The following EEIG1 variants were observed in gnomAD, a reference collection of about 807,000 sequenced individuals.
EEIG1 encodes estrogen-induced osteoclastogenesis regulator 1, also known as early estrogen-induced gene 1 protein.
chr9:127,947,762 C>G, the EEIG1 span, among the ~76,000 whole-genome samples: 1 of 152,168 alleles, frequency 6.6e-6, no homozygotes, highest in Non-Finnish European at 1.5e-5. Context: ...CAGCTTTTAT[C>G]CTGTTTGCAG....
At chr9:127,948,190 C>T in the EEIG1 span, 1 of 1,613,928 alleles carries the variant, frequency 6.2e-7, no homozygotes, top group Non-Finnish European at 8.5e-7. Flanking sequence ...GGAATCCTGG[C>T]CTGGGATGGA....
At chr9:127,979,947 G>A in the EEIG1 span, 1 of 1,584,244 alleles carries the variant, frequency 6.3e-7, no homozygotes, top group South Asian at 1.1e-5. Context: ...TCTAGGTCTC[G>A]CTCATCACCC....
the EEIG1 span, among the ~76,000 whole-genome samples, chr9:127,952,631 A>G: frequency 6.6e-6 from 1 of 152,280 alleles, no homozygotes; most frequent in African/African-American, 2.4e-5. Flanking sequence ...CACTGCTGCC[A>G]TTAGAAAGCA....
chr9:127,961,538 C>T, the EEIG1 span, among the ~76,000 whole-genome samples: 4 of 152,184 alleles, frequency 2.6e-5, no homozygotes, highest in Non-Finnish European at 5.9e-5. Flanking sequence ...GGAACACAAG[C>T]AATAAACAGA....
At chr9:127,963,921 G>C in the EEIG1 span, among the ~76,000 whole-genome samples, 1 of 152,220 alleles carries the variant, frequency 6.6e-6, no homozygotes, top group Non-Finnish European at 1.5e-5. Flanking sequence ...GCGGTGAACA[G>C]AGCAGGCTGG....
chr9:127,946,166 C>A, the EEIG1 span, among the ~76,000 whole-genome samples: 1 of 152,156 alleles, frequency 6.6e-6, no homozygotes, highest in African/African-American at 2.4e-5. Flanking sequence ...CCAGCTAAGG[C>A]CTCAAGAGGG....
At chr9:127,942,124 G>A in the EEIG1 span, 14 of 152,668 alleles carry the variant, frequency 9.2e-5, no homozygotes, top group African/African-American at 3.4e-4. Flanking sequence ...GCTTCCAGAG[G>A]AAGGCTGAGG....
At chr9:127,979,094 T>C in the EEIG1 span, among the ~76,000 whole-genome samples, 1,583 of 152,216 alleles carry the variant, frequency 0.01, 26 homozygotes, top group African/African-American at 0.035. Flanking sequence ...CAAGCAAGTC[T>C]TCCACGTAGG....
the EEIG1 span, among the ~76,000 whole-genome samples, chr9:127,968,910 A>T: frequency 1.3e-5 from 2 of 152,102 alleles, no homozygotes; most frequent in African/African-American, 4.8e-5. Flanking sequence ...TTCCCTGAAG[A>T]CTCACAGACC....
chr9:127,946,578 T>A, the EEIG1 span, among the ~76,000 whole-genome samples: 3 of 152,262 alleles, frequency 2.0e-5, no homozygotes, highest in Admixed American at 1.3e-4. Flanking sequence ...TCACCCTGCC[T>A]GGGGGAGGGG....
chr9:127,967,942 A>G, the EEIG1 span, among the ~76,000 whole-genome samples: 1 of 132,106 alleles, frequency 7.6e-6, no homozygotes, highest in Admixed American at 7.7e-5. Context: ...CTTCTTCTCC[A>G]CCCCAGGACC....
the EEIG1 span, among the ~76,000 whole-genome samples, chr9:127,946,929 C>T: frequency 6.6e-6 from 1 of 152,108 alleles, no homozygotes; most frequent in Non-Finnish European, 1.5e-5. Flanking sequence ...AGCCTGGAGG[C>T]AGTCCAAGGC....
At chr9:127,948,320 C>T in the EEIG1 span, 1 of 1,612,790 alleles carries the variant, frequency 6.2e-7, no homozygotes, top group Non-Finnish European at 8.5e-7. Flanking sequence ...ACCCCTAGTG[C>T]CCGGGACTGG....
the EEIG1 span, chr9:127,944,281 C>A: frequency 4.8e-6 from 2 of 418,656 alleles, no homozygotes; most frequent in Non-Finnish European, 8.7e-6. Flanking sequence ...GTCCCTGGAG[C>A]TGGGAGGAAG....
the EEIG1 span, among the ~76,000 whole-genome samples, chr9:127,946,113 A>G: frequency 0.013 from 1,955 of 152,272 alleles, 120 homozygotes; most frequent in East Asian, 0.2. Context: ...CTCCAAGGAG[A>G]CGGCCTTAAT....
At chr9:127,953,516 T>G in the EEIG1 span, 3 of 1,529,840 alleles carry the variant, frequency 2.0e-6, no homozygotes, top group Non-Finnish European at 1.8e-6. Context: ...GCTTCCCTTG[T>G]GCCTGTCCCA....
the EEIG1 span, among the ~76,000 whole-genome samples, chr9:127,946,975 G>T: frequency 6.6e-6 from 1 of 152,028 alleles, no homozygotes; most frequent in Non-Finnish European, 1.5e-5. Context: ...GGTTGAGGGG[G>T]CCCAGCAAAC....
chr9:127,941,289 C>T, the EEIG1 span: 1 of 152,502 alleles, frequency 6.6e-6, no homozygotes, highest in East Asian at 1.9e-4. Flanking sequence ...GTTTTCCACC[C>T]AAAGCCCCAG....
At chr9:127,971,800 A>G in the EEIG1 span, among the ~76,000 whole-genome samples, 1 of 152,230 alleles carries the variant, frequency 6.6e-6, no homozygotes, top group East Asian at 1.9e-4. Flanking sequence ...GTACAAGGCC[A>G]AAAGAGGCCA....
Sources: allele counts gnomAD v4.1 joint callset (sites outside exome capture counted in the v4.1 genomes callset), GRCh38; gene constraint gnomAD v4.1.1; transcripts MANE v1.5; gene names NCBI Gene and HGNC (gene_info 2026-07-23, HGNC 2026-07-21).